CROCC: variants seen among roughly 807,000 people sequenced by gnomAD.
The protein encoded by CROCC is rootletin.
CROCC carries 180 observed loss-of-function variants against 245.2 expected under a neutral mutation model. The ratio of observed to expected loss-of-function variants is 0.73; its 90% confidence interval spans 0.65 to 0.83. CROCC has a LOEUF of 0.83. Ranked by LOEUF, CROCC falls within the 40% of genes least tolerant of loss-of-function variation. The pLI, the probability that CROCC is intolerant of heterozygous loss-of-function variation, is 0.00. For missense variants in CROCC, 2,688 were observed against 2,779.4 expected, an observed-to-expected ratio of 0.97 and a Z score of 0.74; for synonymous variants, 1,205 against 1,241.6, an observed-to-expected ratio of 0.97 and a Z score of 0.62.
At chr1:16,924,049 C>T (rs1557574627) in intron 2 of CROCC, among the ~76,000 whole-genome samples, 1 of 152,274 alleles carries the variant, frequency 6.6e-6, no homozygotes, top group Admixed American at 6.5e-5. Context: ...GGAGCAAGAA[C>T]TCAGGGGTCT....
chr1:16,944,609 G>A (rs1224289747), intron 14 of CROCC, among the ~76,000 whole-genome samples: 2 of 152,294 alleles, frequency 1.3e-5, no homozygotes, highest in African/African-American at 2.4e-5. Context: ...TTCACTAAGT[G>A]CCAGATACCA....
At chr1:16,919,408 A>C (rs1307031713), upstream of CROCC, among the ~76,000 whole-genome samples, 2 of 152,294 alleles carry the variant, frequency 1.3e-5, no homozygotes, top group East Asian at 3.8e-4. Context: ...GTAAGGATTT[A>C]ATGAGATAAT....
At chr1:16,930,066 C>G (rs751542308) in intron 4 of CROCC, 35 bp downstream of exon 4, 1 of 1,568,770 alleles carries the variant, frequency 6.4e-7, no homozygotes, top group East Asian at 2.3e-5. Context: ...TGTCCTCCCA[C>G]CTGTTCACTT....
At position 16,922,740 on chromosome 1, in the gene CROCC, C is replaced by T. The variant is rs148206874; in HGVS notation, c.138C>T (p.Ser46=). ...RDLAQDAQIT[S]LPALIREIVT... ...TGGCCCAGGACGCTCAGATCACCAG[C>T]CTGCCTGCCCTTATCAGGGAGATTG... is the stretch of plus-strand genomic sequence containing the variant. Residue 46 remains serine (S), a synonymous_variant, in exon 2 of 37, where the codon AGC becomes AGT. Coordinates refer to ENST00000375541, the MANE Select transcript of CROCC (RefSeq NM_014675.5). 20 of 1,613,820 alleles carry T rather than the reference C, an allele frequency of 1.2e-5. No homozygotes were observed. Among genetic ancestry groups the T allele is most frequent in the Non-Finnish European group, 1.6e-5 (19 of 1,180,008 alleles).
At chr1:16,934,518 G>T (rs1352889480) in intron 8 of CROCC, among the ~76,000 whole-genome samples, 1 of 152,246 alleles carries the variant, frequency 6.6e-6, no homozygotes, top group East Asian at 1.9e-4. Flanking sequence ...GCCCAGGCTG[G>T]TCTTGAACTC....
In CROCC at chr1:16,944,276, A is replaced by C; in HGVS notation, c.1985A>C (p.Glu662Ala). The change falls in exon 14 of 37, where the codon GAG (glutamate) becomes GCG (alanine). Residue 662 changes from glutamate to alanine, a missense_variant. Glu to Ala is a moderately radical substitution (Grantham distance 107, BLOSUM62 -1). Around this residue, in one of 9 missense-constraint regions of CROCC, gnomAD observed 972 missense variants for 895.3 expected, o/e 1.09. Coordinates refer to ENST00000375541, the MANE Select transcript of CROCC (RefSeq NM_014675.5). Reference sequence around the variant, plus strand: ...GGCGCGCGGGTGCGCCGGGAGCTTGAGCGCAGGTGAGCAGCATCTCGCCAC... The same window carrying C: ...GGCGCGCGGGTGCGCCGGGAGCTTGCGCGCAGGTGAGCAGCATCTCGCCAC... ...QDGARVRREL[E>A]RSHRQLEQLE... The C allele has an allele frequency of 1.3e-6, 2 of 1,535,540 alleles. No homozygotes were observed. Among genetic ancestry groups the C allele is most frequent in the Non-Finnish European group, 1.8e-6 (2 of 1,139,110 alleles).
At position 16,954,880 on chromosome 1, in the gene CROCC, G is replaced by A. The variant is rs2076223721; in HGVS notation, c.3465+3G>A. The A allele has an allele frequency of 6.6e-7, 1 of 1,522,496 alleles. No homozygotes were observed. The highest frequency in any genetic ancestry group is 1.4e-5 in the African/African-American group (1 of 72,720). 94.3% of individuals were successfully genotyped at this position (1,522,496 alleles called of 1,614,324 possible). ...AGCGGGACTCCTGTCTTCGCGAGGT[G>A]AGCAGCCGCCCCCCTCTTCCAAGCA... is the stretch of plus-strand genomic sequence containing the variant. On this transcript the variant is annotated splice_donor_region_variant and intron_variant, in intron 23 of 36. Transcript: ENST00000375541. This position sits in a 1 kb window ranked among gnomAD's most constrained non-coding sequence, Gnocchi z 4.4.
intron 1 of CROCC, among the ~76,000 whole-genome samples, chr1:16,915,181 T>C (rs1191183588): frequency 6.6e-6 from 1 of 152,404 alleles, no homozygotes; most frequent in Admixed American, 6.5e-5. Context: ...TGGCTGGATA[T>C]GTGTTCGCTG....
intron 3 of CROCC, among the ~76,000 whole-genome samples, chr1:16,924,728 C>T (rs1377953636): frequency 6.6e-6 from 1 of 152,284 alleles, no homozygotes. Flanking sequence ...GAATAAAGTG[C>T]CTGGCACCAG....
chr1:16,930,936 A>G (rs1480575889), intron 7 of CROCC, among the ~76,000 whole-genome samples: 19 of 152,300 alleles, frequency 1.2e-4, no homozygotes, highest in Non-Finnish European at 2.4e-4. Context: ...ATCCTGGGCA[A>G]CAAAGCAAGA....
At chr1:16,922,597 T>G in intron 1 of CROCC, 66 bp from the exon 2 acceptor site, 2 of 1,525,542 alleles carry the variant, frequency 1.3e-6, no homozygotes, top group Non-Finnish European at 1.8e-6. Flanking sequence ...ATTCTGTGGC[T>G]CTCCCCACGA....
In CROCC at chr1:16,953,429, T is replaced by G. The variant is rs761863556; in HGVS notation, c.3134T>G (p.Leu1045Arg). Residue 1045 changes from leucine to arginine, a missense_variant, in exon 21 of 37, where the codon CTG (leucine) becomes CGG (arginine). Physicochemically the swap from Leu to Arg is moderately radical, Grantham distance 102. This residue lies in a region of CROCC where 106 missense variants were observed against 126.1 expected (regional missense o/e 0.84). Transcript: ENST00000375541. ...KEELSEEIAA[L>R]QQERDEGLLL... ...GAGCTGAGTGAGGAGATTGCTGCCC[T>G]GCAGCAGGAGCGCGACGAGGGCCTC... 6.2e-7 allele frequency: 1 copy of G among 1,610,708 alleles called. No homozygotes were observed. The highest frequency in any genetic ancestry group is 2.2e-5 in the East Asian group (1 of 44,874).
chr1:16,942,007 G>A (rs1403710662), intron 13 of CROCC, among the ~76,000 whole-genome samples: 1 of 152,192 alleles, frequency 6.6e-6, no homozygotes, highest in Admixed American at 6.6e-5. Flanking sequence ...TAGCCTTGAA[G>A]ATTTTTTTTT....
At chr1:16,955,217 G>A (rs2076229359) in intron 23 of CROCC, 95 bp from the exon 24 acceptor site, 1 of 1,221,952 alleles carries the variant, frequency 8.2e-7, no homozygotes, top group African/African-American at 1.5e-5. Context: ...AGAGGGATGG[G>A]GCAGGCTCCC....
chr1:16,968,257 C>T lies in CROCC; in HGVS notation c.4915C>T (p.Arg1639Cys), dbSNP rs375866887. The T allele has an allele frequency of 1.5e-5, 23 of 1,566,812 alleles. No homozygotes were observed. Among genetic ancestry groups the T allele is most frequent in the Admixed American group, 3.8e-5 (2 of 52,884 alleles). The change falls in exon 31 of 37, where the codon CGC (arginine) becomes TGC (cysteine). Residue 1639 changes from arginine (R) to cysteine (C), a missense_variant. Physicochemically the swap from Arg to Cys is radical, Grantham distance 180. Coordinates refer to ENST00000375541, the MANE Select transcript of CROCC (RefSeq NM_014675.5). Reference protein sequence around the residue: ...NETKLEGDKRRLKEVLDASES... With the variant: ...NETKLEGDKRCLKEVLDASES... ...GACAAAGCTGGAGGGCGACAAGCGG[C>T]GCCTGAAGGAGGTTCTGGACGCCTC...
At chr1:16,938,820 GCCC>G (rs2075849086) in intron 11 of CROCC, 86 bp from the exon 12 acceptor site, 1 of 1,282,112 alleles carries the variant, frequency 7.8e-7, no homozygotes, top group East Asian at 2.4e-5. Flanking sequence ...GAATGAGGCA[GCCC>G]CCAGCCTCAC....
Position 16,970,772 on chromosome 1 carries a change from GACCCCACCCAGTCCGGGACCCCA to G in CROCC, c.5784+8_5784+30del. Reference sequence around the variant, plus strand: ...AGGCAGATCCAGCAGCTGGAGGTCTGACCCCACCCAGTCCGGGACCCCAACTTCATCCCTAGTATGAGTGCTCA... The same window carrying G: ...AGGCAGATCCAGCAGCTGGAGGTCTGACTTCATCCCTAGTATGAGTGCTCA... On this transcript the variant is annotated splice_donor_region_variant and intron_variant, in intron 35 of 36. Coordinates refer to ENST00000375541, the MANE Select transcript of CROCC (RefSeq NM_014675.5). 1 of 1,571,196 alleles carries G rather than the reference GACCCCACCCAGTCCGGGACCCCA, an allele frequency of 6.4e-7. No homozygotes were observed. Among genetic ancestry groups the G allele is most frequent in the Non-Finnish European group, 8.6e-7 (1 of 1,162,494 alleles).
chr1:16,938,932 C>T lies in CROCC; in HGVS notation c.1398C>T (p.Ser466=), dbSNP rs145341541. 3.7e-4 allele frequency: 600 copies of T among 1,601,210 alleles called. No individual in the cohort carries two copies. The African/African-American group carries it at 7.1e-3, about 19-fold the overall frequency. ...LAQAVLSDSE[S]GVQLSGSERT... Reference sequence around the variant, plus strand: ...AGGCCGTCTTGTCAGACTCTGAGAGCGGCGTCCAGCTGAGCGGCTCTGAGC... The same window carrying T: ...AGGCCGTCTTGTCAGACTCTGAGAGTGGCGTCCAGCTGAGCGGCTCTGAGC... Residue 466 remains serine, a synonymous_variant, in exon 12 of 37, where the codon AGC becomes AGT. Coordinates refer to ENST00000375541, the MANE Select transcript of CROCC (RefSeq NM_014675.5).
intron 31 of CROCC, 148 bp downstream of exon 31, chr1:16,968,566 A>G: frequency 4.5e-6 from 4 of 891,396 alleles, no homozygotes; most frequent in Non-Finnish European, 6.5e-6. Context: ...CTGAGAGGTG[A>G]TGTCATTGTC....
Sources: gnomAD v4.1 joint callset for allele counts (sites outside exome capture counted in the v4.1 genomes callset) on GRCh38, gnomAD v4.1.1 for gene constraint, gnomAD v4.1.1 regional missense constraint, Gnocchi (gnomAD v3.1) non-coding constraint, MANE v1.5 for transcripts, NCBI Gene and HGNC (gene_info 2026-07-23, HGNC 2026-07-21) for gene names.